Variants in FRMD5 observed in about 807,000 individuals in gnomAD.
FRMD5 encodes the protein FERM domain-containing protein 5.
Under a neutral mutation model 69.0 loss-of-function variants are expected in FRMD5, and 20 were observed. That is an observed-to-expected ratio of 0.29 (90% confidence interval 0.20 to 0.42). The LOEUF is 0.42. Among genes scored for constraint, FRMD5 ranks in the 10% least tolerant of loss-of-function variants. The pLI is 1.00. For synonymous variants in FRMD5, 271 were observed against 260.1 expected (o/e 1.04, Z -0.40); for missense variants, 595 against 708.6 (o/e 0.84, Z 1.82).
intron 1 of FRMD5, among the ~76,000 whole-genome samples, chr15:44,113,507 T>TA (rs1353564716): frequency 6.6e-6 from 1 of 152,236 alleles, no homozygotes; most frequent in Non-Finnish European, 1.5e-5. Context: ...CATATTATGG[T>TA]AAATGGGGTA....
chr15:43,907,187 A>G (rs1020501658), intron 5 of FRMD5, among the ~76,000 whole-genome samples: 1 of 152,164 alleles, frequency 6.6e-6, no homozygotes, highest in Non-Finnish European at 1.5e-5. Flanking sequence ...CAACCACTTC[A>G]GATGTGAAGT....
At chr15:44,096,890 A>G (rs1169145528) in intron 1 of FRMD5, among the ~76,000 whole-genome samples, 1 of 152,152 alleles carries the variant, frequency 6.6e-6, no homozygotes, top group Non-Finnish European at 1.5e-5. Flanking sequence ...GCAAGAAAGG[A>G]GACAGTGATA....
chr15:44,105,192 T>A (rs1475065010), intron 1 of FRMD5, among the ~76,000 whole-genome samples: 1 of 150,790 alleles, frequency 6.6e-6, no homozygotes, highest in Non-Finnish European at 1.5e-5. Flanking sequence ...TCTTCTCACC[T>A]CAGCCTCTTG....
In FRMD5 at chr15:44,032,885, T is replaced by C. The variant is rs112594661; in HGVS notation, c.103-108576A>G. On this transcript the variant is annotated intron_variant, in intron 1 of 13. Coordinates refer to ENST00000417257, the MANE Select transcript of FRMD5 (RefSeq NM_032892.5). ...ATATACCCAGAGGAAGATAAATCAT[T>C]TTGCCATAAAGACACATGCATGTGG... Among the ~76,000 whole-genome samples, 169 of 152,204 alleles carry C rather than the reference T, an allele frequency of 1.1e-3. 1 individual carries two copies. The highest frequency in any genetic ancestry group is 1.6e-3 in the Non-Finnish European group (112 of 67,990).
intron 1 of FRMD5, among the ~76,000 whole-genome samples, chr15:43,955,786 A>G (rs573135075): frequency 6.6e-6 from 1 of 152,292 alleles, no homozygotes; most frequent in African/African-American, 2.4e-5. Context: ...TCTGGTTATA[A>G]TCAAGTAAAA....
At chr15:44,044,473 A>T (rs899315457) in intron 1 of FRMD5, among the ~76,000 whole-genome samples, 1 of 152,154 alleles carries the variant, frequency 6.6e-6, no homozygotes, top group Admixed American at 6.5e-5. Flanking sequence ...ATGTATGTTT[A>T]TTGAGGCACT....
At chr15:44,119,089 G>A (rs2076910402) in intron 1 of FRMD5, among the ~76,000 whole-genome samples, 1 of 152,100 alleles carries the variant, frequency 6.6e-6, no homozygotes, top group African/African-American at 2.4e-5. Context: ...CTGAGTAGCT[G>A]GGACTACAGG....
chr15:43,875,031 G>C (rs546595692), intron 13 of FRMD5, among the ~76,000 whole-genome samples: 123 of 152,144 alleles, frequency 8.1e-4, no homozygotes, highest in African/African-American at 2.9e-3. Flanking sequence ...AACCCCGTCT[G>C]TACTAAAAAT....
intron 1 of FRMD5, among the ~76,000 whole-genome samples, chr15:43,941,316 T>A (rs1220300414): frequency 1.3e-5 from 2 of 152,186 alleles, no homozygotes; most frequent in Admixed American, 6.5e-5. Flanking sequence ...TAGTGACTGA[T>A]CATAGCTTAC....
In FRMD5 at chr15:43,871,919, G is replaced by A. The variant is rs1184934200; in HGVS notation, c.*1966C>T. 1 of 152,226 alleles carries A rather than the reference G, an allele frequency of 6.6e-6. No homozygotes were observed. Among genetic ancestry groups the A allele is most frequent in the East Asian group, 1.9e-4 (1 of 5,196 alleles). 9.4% of individuals were successfully genotyped at this position (152,226 alleles called of 1,614,324 possible). A position where few individuals can be genotyped will look rare whatever the true frequency, so the allele number is the denominator to read the frequency against. ...GATACATGTCAGGCATGGAAACAGA[G>A]CTGACTGACCCTCTTCTGCTAACAT... is the stretch of plus-strand genomic sequence containing the variant. On this transcript the variant is annotated 3_prime_UTR_variant, in exon 14 of 14. Coordinates refer to ENST00000417257, the MANE Select transcript of FRMD5 (RefSeq NM_032892.5).
chr15:43,945,816 G>C (rs1472704650), intron 1 of FRMD5, among the ~76,000 whole-genome samples: 1 of 152,160 alleles, frequency 6.6e-6, no homozygotes, highest in Admixed American at 6.5e-5. Flanking sequence ...CCAGCACTTT[G>C]GGAGGCCAAG....
At chr15:44,089,158 G>A (rs1894326225) in intron 1 of FRMD5, among the ~76,000 whole-genome samples, 1 of 152,154 alleles carries the variant, frequency 6.6e-6, no homozygotes, top group South Asian at 2.1e-4. Flanking sequence ...GTGACTCTGT[G>A]TCTCCAGATC....
At chr15:44,084,873 C>T (rs1027004254) in intron 1 of FRMD5, among the ~76,000 whole-genome samples, 110 of 152,214 alleles carry the variant, frequency 7.2e-4, no homozygotes, top group African/African-American at 2.3e-3. Flanking sequence ...ACTCAGAGGC[C>T]ACCATTCCCC....
At chr15:44,044,883 C>T (rs899931494) in intron 1 of FRMD5, among the ~76,000 whole-genome samples, 2 of 152,302 alleles carry the variant, frequency 1.3e-5, no homozygotes, top group South Asian at 2.1e-4. Context: ...CCACGTTCTA[C>T]ACATGTGCCC....
At chr15:43,989,657 A>G (rs1889573086) in intron 1 of FRMD5, 8 of 911,484 alleles carry the variant, frequency 8.8e-6, no homozygotes, top group Non-Finnish European at 1.3e-5. Flanking sequence ...GCACACACGC[A>G]GGATGGCATG....
At chr15:44,057,716 A>C (rs1892929057) in intron 1 of FRMD5, among the ~76,000 whole-genome samples, 1 of 152,198 alleles carries the variant, frequency 6.6e-6, no homozygotes, top group African/African-American at 2.4e-5. Context: ...ATCGACACAC[A>C]TTAGTTCTAA....
intron 1 of FRMD5, among the ~76,000 whole-genome samples, chr15:43,962,711 T>G (rs148300189): frequency 3.9e-5 from 6 of 152,038 alleles, no homozygotes; most frequent in East Asian, 3.8e-4. Context: ...AACAGAGATA[T>G]AGACCAATGG....
At position 43,902,070 on chromosome 15, in the gene FRMD5, C is replaced by T. The variant is rs547831590; in HGVS notation, c.639+105G>A. ...CTGATATCTCACTGAAAGTGCCAGCCATGTAAACGTTGAAGGGGGCCTCTG... is the reference window on the plus strand; with the variant it reads ...CTGATATCTCACTGAAAGTGCCAGCTATGTAAACGTTGAAGGGGGCCTCTG... On this transcript the variant is annotated intron_variant, in intron 7 of 13. Transcript: ENST00000417257. 5.5e-5 allele frequency: 43 copies of T among 776,404 alleles called. No homozygotes were observed. The African/African-American group carries it at 6.1e-4, about 11-fold the overall frequency. The allele number at this position is 776,404 out of a possible 1,614,324, so 48.1% of individuals were successfully genotyped here.
chr15:44,134,145 G>C (rs570124761), intron 1 of FRMD5, among the ~76,000 whole-genome samples: 4 of 149,032 alleles, frequency 2.7e-5, no homozygotes, highest in African/African-American at 1.0e-4. Flanking sequence ...TTGAGACAGG[G>C]TCTCACTCTG....
Sources: gnomAD v4.1 joint callset for allele counts (sites outside exome capture counted in the v4.1 genomes callset) on GRCh38, gnomAD v4.1.1 for gene constraint, MANE v1.5 for transcripts, NCBI Gene and HGNC (gene_info 2026-07-23, HGNC 2026-07-21) for gene names.